PPME1: variants seen among roughly 807,000 people sequenced by gnomAD.
The protein encoded by PPME1 is protein phosphatase methylesterase 1, also known as testicular secretory protein Li 39.
PPME1 carries 17 observed loss-of-function variants against 56.9 expected under a neutral mutation model. That is an observed-to-expected ratio of 0.30 (90% CI 0.20 to 0.45). The LOEUF is 0.45. Ranked by LOEUF, PPME1 falls within the 20% of genes least tolerant of loss-of-function variation. The pLI is 1.00. For synonymous variants in PPME1, 122 were observed against 156.2 expected, an observed-to-expected ratio of 0.78 and a Z score of 1.63; for missense variants, 357 against 483.2, an observed-to-expected ratio of 0.74 and a Z score of 2.45.
At chr11:74,192,948 T>G (rs1857881750) in intron 1 of PPME1, among the ~76,000 whole-genome samples, 1 of 152,206 alleles carries the variant, frequency 6.6e-6, no homozygotes. Context: ...CTCAGCTGCT[T>G]CTGATGTTTC....
At chr11:74,215,690 C>T (rs532156733) in intron 3 of PPME1, among the ~76,000 whole-genome samples, 3 of 152,086 alleles carry the variant, frequency 2.0e-5, no homozygotes, top group South Asian at 4.1e-4. Flanking sequence ...AGACTAAACT[C>T]GCCAATCAAA....
At chr11:74,181,419 T>C (rs1382549424) in intron 1 of PPME1, among the ~76,000 whole-genome samples, 1 of 152,220 alleles carries the variant, frequency 6.6e-6, no homozygotes, top group Non-Finnish European at 1.5e-5. Flanking sequence ...ATTCATTTGC[T>C]CTCTCTTCTC....
intron 7 of PPME1, among the ~76,000 whole-genome samples, chr11:74,232,634 T>C (rs1444611452): frequency 6.6e-6 from 1 of 152,126 alleles, no homozygotes; most frequent in African/African-American, 2.4e-5. Flanking sequence ...TATTCTAGAC[T>C]TGGCTCAGTT....
At chr11:74,176,340 TA>T (rs1857399514) in intron 1 of PPME1, among the ~76,000 whole-genome samples, 1 of 152,204 alleles carries the variant, frequency 6.6e-6, no homozygotes, top group Non-Finnish European at 1.5e-5. Context: ...TTTAATGAGC[TA>T]TTCACACAGA....
intron 9 of PPME1, among the ~76,000 whole-genome samples, 197 bp from the exon 10 acceptor site, chr11:74,245,879 T>C (rs1859489757): frequency 6.6e-6 from 1 of 152,132 alleles, no homozygotes; most frequent in East Asian, 1.9e-4. Context: ...CTTGTAATTA[T>C]CTTAAAATGA....
chr11:74,175,701 A>T (rs1857385564), intron 1 of PPME1, among the ~76,000 whole-genome samples: 1 of 152,160 alleles, frequency 6.6e-6, no homozygotes, highest in Admixed American at 6.5e-5. Context: ...AGGACTGAGG[A>T]TACATGCTAG....
rs752625185 is a variant in PPME1 at position 74,230,662 on chromosome 11, A to G, written c.554-250A>G. On this transcript the variant is annotated intron_variant, in intron 6 of 13. Transcript: ENST00000328257. This position sits in a 1 kb window ranked among gnomAD's most constrained non-coding sequence, Gnocchi z 4.9. Reference sequence around the variant, plus strand: ...TTTAATCATATAAAAAGAAGCTGCCATGTCTTTTCTGACCCAGCTTCAGAA... The same window carrying G: ...TTTAATCATATAAAAAGAAGCTGCCGTGTCTTTTCTGACCCAGCTTCAGAA... 3.3e-6 allele frequency: 2 copies of G among 598,880 alleles called. No individual in the cohort carries two copies. The highest frequency in any genetic ancestry group is 4.3e-5 in the South Asian group (2 of 46,212). The allele number at this position is 598,880 out of a possible 1,614,324, so 37.1% of individuals were successfully genotyped here.
At chr11:74,249,247 C>T (rs1310179700) in intron 11 of PPME1, 1 of 152,210 alleles carries the variant, frequency 6.6e-6, no homozygotes, top group Admixed American at 6.5e-5. Context: ...CAAACCACAG[C>T]TTTGCCAGCA....
At chr11:74,217,176 A>G (rs1040078290) in intron 3 of PPME1, among the ~76,000 whole-genome samples, 1 of 152,224 alleles carries the variant, frequency 6.6e-6, no homozygotes, top group Non-Finnish European at 1.5e-5. Context: ...ACTACAGGCC[A>G]ATATCCCTGA....
At chr11:74,181,101 G>A (rs1857523785) in intron 1 of PPME1, among the ~76,000 whole-genome samples, 1 of 143,296 alleles carries the variant, frequency 7.0e-6, no homozygotes, top group South Asian at 2.2e-4. Flanking sequence ...GCGGACTGCA[G>A]TGGCGCAATC....
rs973639440 is a variant in PPME1, at chr11:74,223,146, T to C, written c.346+777T>C. Among the ~76,000 whole-genome samples, 4 of 146,594 alleles carry C rather than the reference T, an allele frequency of 2.7e-5. No individual in the cohort carries two copies. In the Admixed American group the frequency reaches 2.7e-4, roughly 10 times the overall value. On this transcript the variant is annotated intron_variant, in intron 4 of 13. Transcript: ENST00000328257. ...TGTGATATTCCCCTTCCTGTGTCCA[T>C]GTGATCTCATTGTTCAGTTCCCACC...
chr11:74,200,400 TGG>T (rs1555076442), intron 1 of PPME1, among the ~76,000 whole-genome samples: 41 of 135,086 alleles, frequency 3.0e-4, no homozygotes, highest in African/African-American at 8.9e-4. Flanking sequence ...TGTGTGTGTG[TGG>T]ACGAAGTCTC....
At position 74,203,750 on chromosome 11, in the gene PPME1, T is replaced by A. The variant is rs148853537; in HGVS notation, c.124T>A (p.Ser42Thr). 1.2e-6 allele frequency: 2 copies of A among 1,611,866 alleles called. No homozygotes were observed. Among genetic ancestry groups the A allele is most frequent in the African/African-American group, 2.7e-5 (2 of 74,940 alleles). Residue 42 changes from serine (S) to threonine (T), a missense_variant, in exon 2 of 14, where the codon TCC becomes ACC. Physicochemically the swap from Ser to Thr is moderately conservative, Grantham distance 58. Transcript: ENST00000328257. The stretch of plus-strand genomic sequence containing the variant: ...CAGCCCTGGAAGAAAGCGGGACTTT[T>A]CCCCTGTTCCTTGGAGTCAGTATTT... Reference protein sequence around the residue: ...RMGPGRKRDFSPVPWSQYFES... With the variant: ...RMGPGRKRDFTPVPWSQYFES...
intron 9 of PPME1, among the ~76,000 whole-genome samples, chr11:74,243,724 C>T (rs111801347): frequency 6.6e-6 from 1 of 151,778 alleles, no homozygotes; most frequent in African/African-American, 2.4e-5. Flanking sequence ...ACTAGAAGAC[C>T]CAAGTTTCTT....
chr11:74,173,174 G>T (rs1317417432), intron 1 of PPME1, among the ~76,000 whole-genome samples: 2 of 152,160 alleles, frequency 1.3e-5, no homozygotes, highest in African/African-American at 4.8e-5. Context: ...AGAAAAGTTG[G>T]ACTATAACAT....
rs1287970554 is a variant in PPME1, at chr11:74,246,182, T to C, written c.941T>C (p.Ile314Thr). 1 of 1,552,238 alleles carries C rather than the reference T, an allele frequency of 6.4e-7. No homozygotes were observed. Among genetic ancestry groups the C allele is most frequent in the Non-Finnish European group, 8.7e-7 (1 of 1,147,068 alleles). ...GLSNLFLSCP[I>T]PKLLLLAGVD... ...TCCAATCTCTTTCTTAGTTGTCCCATTCCTAAATTGCTGCTCTTGGCTGGT... is the reference window on the plus strand; with the variant it reads ...TCCAATCTCTTTCTTAGTTGTCCCACTCCTAAATTGCTGCTCTTGGCTGGT... Residue 314 changes from isoleucine (I) to threonine (T), a missense_variant, in exon 10 of 14, where the codon ATT becomes ACT. Around this residue, in one of 2 missense-constraint regions of PPME1, gnomAD observed 182 missense variants for 293.8 expected, o/e 0.62. Coordinates refer to ENST00000328257, the MANE Select transcript of PPME1 (RefSeq NM_016147.3).
chr11:74,230,535 G>C lies in PPME1; in HGVS notation c.553+136G>C. ...CCCTCTGTCTTTATATCTTTTTTAA[G>C]TTTATACAAGATAACCATTTTTCCA... On this transcript the variant is annotated intron_variant, in intron 6 of 13. Coordinates refer to ENST00000328257, the MANE Select transcript of PPME1 (RefSeq NM_016147.3). This position sits in a 1 kb window ranked among gnomAD's most constrained non-coding sequence, Gnocchi z 4.9. The C allele has an allele frequency of 1.9e-6, 2 of 1,079,586 alleles. No homozygotes were observed. The highest frequency in any genetic ancestry group is 2.7e-6 in the Non-Finnish European group (2 of 753,728). 66.9% of individuals were successfully genotyped at this position (1,079,586 alleles called of 1,614,324 possible).
chr11:74,239,743 A>C (rs982257996), intron 9 of PPME1, among the ~76,000 whole-genome samples: 21 of 148,378 alleles, frequency 1.4e-4, no homozygotes, highest in Non-Finnish European at 3.0e-5. Flanking sequence ...CACCCAGCTA[A>C]TTTTTTTTTG....
chr11:74,193,539 C>T (rs1192396481), intron 1 of PPME1, among the ~76,000 whole-genome samples: 2 of 152,192 alleles, frequency 1.3e-5, no homozygotes, highest in East Asian at 3.9e-4. Context: ...ATGAGGGATA[C>T]TCAACCTGTA....
Sources: gnomAD v4.1 joint callset for allele counts (sites outside exome capture counted in the v4.1 genomes callset) on GRCh38, gnomAD v4.1.1 for gene constraint, gnomAD v4.1.1 regional missense constraint, Gnocchi (gnomAD v3.1) non-coding constraint, MANE v1.5 for transcripts, NCBI Gene and HGNC (gene_info 2026-07-23, HGNC 2026-07-21) for gene names.